Variants in SYMPK observed in about 807,000 individuals in gnomAD.
SYMPK encodes the protein symplekin scaffold protein, also known as symplekin.
A neutral mutation model predicts 136.4 loss-of-function variants in SYMPK; 49 were observed. That is an observed-to-expected ratio of 0.36 (90% confidence interval 0.29 to 0.46). The LOEUF is 0.46. Ranked by LOEUF, SYMPK falls within the 20% of genes least tolerant of loss-of-function variation. The probability of loss-of-function intolerance (pLI) is 1.00; values close to 1 mark genes in which losing one functional copy is unlikely to be tolerated. For synonymous variants in SYMPK, 766 were observed against 713.0 expected, an observed-to-expected ratio of 1.07 and a Z score of -1.19; for missense variants, 1,365 against 1,690.0, an observed-to-expected ratio of 0.81 and a Z score of 3.37.
At position 45,818,112 on chromosome 19, in the gene SYMPK, G is replaced by A. The variant is rs778036985; in HGVS notation, c.2928C>T (p.Tyr976=). The part of the protein sequence containing the change: ...TNLCFAERNV[Y]TSEVLAVVMQ... ...TCACCACGGCCAGCACCTCTGACGTGTACACGTTCCGCTCCGCAAAGCACA... is the reference window on the plus strand; with the variant it reads ...TCACCACGGCCAGCACCTCTGACGTATACACGTTCCGCTCCGCAAAGCACA... The change falls in exon 23 of 27, where the codon TAC becomes TAT. Residue 976 remains tyrosine (Y), a synonymous_variant. Coordinates refer to ENST00000245934, the MANE Select transcript of SYMPK (RefSeq NM_004819.3). 7 of 1,554,962 alleles carry A rather than the reference G, an allele frequency of 4.5e-6. No individual in the cohort carries two copies. The South Asian group carries it at 4.7e-5, about 11-fold the overall frequency.
At chr19:45,824,019 G>A in intron 18 of SYMPK, 144 bp from the exon 19 acceptor site, 1 of 489,462 alleles carries the variant, frequency 2.0e-6, no homozygotes, top group Non-Finnish European at 3.8e-6. Flanking sequence ...GGAAAGGTGG[G>A]GAAGGGCAGG....
At chr19:45,816,318 A>C in intron 25 of SYMPK, 135 bp from the exon 26 acceptor site, 2 of 1,174,480 alleles carry the variant, frequency 1.7e-6, no homozygotes, top group South Asian at 3.2e-5. Context: ...GTTGTCCCCC[A>C]GACCCCCAAC....
Position 45,821,632 on chromosome 19 carries a change from C to A in SYMPK, c.2792-147G>T. 1 of 646,458 alleles carries A rather than the reference C, an allele frequency of 1.5e-6. No individual in the cohort carries two copies. The highest frequency in any genetic ancestry group is 1.8e-5 in the South Asian group (1 of 56,810). The allele number at this position is 646,458 out of a possible 1,614,324, so 40.0% of individuals were successfully genotyped here. On this transcript the variant is annotated intron_variant, in intron 21 of 26. Transcript: ENST00000245934. The surrounding 1 kb of genome is among the most constrained non-coding windows in gnomAD (Gnocchi z 4.4). Reference sequence around the variant, plus strand: ...CTGGAACAGGGGAAGCGACTGACAACATAAAAAGGGGACACCGAAGGCAGC... The same window carrying A: ...CTGGAACAGGGGAAGCGACTGACAAAATAAAAAGGGGACACCGAAGGCAGC...
chr19:45,835,729 T>C (rs1369098593), intron 10 of SYMPK, among the ~76,000 whole-genome samples: 1 of 152,016 alleles, frequency 6.6e-6, no homozygotes, highest in Admixed American at 6.6e-5. Flanking sequence ...CTGGCCAACA[T>C]GGTGAAACCC....
chr19:45,828,012 C>T, intron 14 of SYMPK, 94 bp from the exon 15 acceptor site: 4 of 1,148,690 alleles, frequency 3.5e-6, no homozygotes, highest in Non-Finnish European at 5.2e-6. Context: ...GCCAGCAGGC[C>T]CTCCCTCAGG....
In SYMPK at chr19:45,842,297, T is replaced by C. The variant is rs550681019; in HGVS notation, c.1040A>G (p.Lys347Arg). 93 of 1,614,212 alleles carry C rather than the reference T, an allele frequency of 5.8e-5. No individual in the cohort carries two copies. In the South Asian group the frequency reaches 7.5e-4, roughly 13 times the overall value. Residue 347 changes from lysine to arginine, a missense_variant, in exon 9 of 27, where the codon AAG becomes AGG. Coordinates refer to ENST00000245934, the MANE Select transcript of SYMPK (RefSeq NM_004819.3). ...GGAGTCCGAGTCATCGCGGGGCCGC[T>C]TGCGGGTGTCCTTGCTGCTCGGCAT... ...RNMPSSKDTR[K>R]RPRDDSDSTL...
chr19:45,829,383 G>A (rs983595297), intron 13 of SYMPK, among the ~76,000 whole-genome samples, 178 bp from the exon 14 acceptor site: 1 of 152,072 alleles, frequency 6.6e-6, no homozygotes. Context: ...GTGTTGGGGG[G>A]TGGGGGTACC....
rs1203241892 is a variant in SYMPK at position 45,842,353 on chromosome 19, C to G, written c.984G>C (p.Leu328=). 6.2e-7 allele frequency: 1 copy of G among 1,614,220 alleles called. No homozygotes were observed. Among genetic ancestry groups the G allele is most frequent in the Non-Finnish European group, 8.5e-7 (1 of 1,180,040 alleles). Residue 328 remains leucine, a synonymous_variant, in exon 9 of 27, where the codon CTG becomes CTC. Coordinates refer to ENST00000245934, the MANE Select transcript of SYMPK (RefSeq NM_004819.3). The stretch of plus-strand genomic sequence containing the variant: ...GGGCGATCTCGGCCTGAGGTGTGCC[C>G]AGGTCCACCAGCAGGGTGGTGATCT... ...QAQITTLLVD[L]GTPQAEIARN... is the part of the protein sequence containing the mutation.
intron 5 of SYMPK, among the ~76,000 whole-genome samples, chr19:45,851,594 C>A (rs956610032): frequency 3.5e-5 from 5 of 143,010 alleles, no homozygotes; most frequent in African/African-American, 1.3e-4. Flanking sequence ...AAAAAAAAGG[C>A]CAGGCACAGT....
At chr19:45,840,000 G>C (rs551612159) in intron 9 of SYMPK, among the ~76,000 whole-genome samples, 1 of 152,104 alleles carries the variant, frequency 6.6e-6, no homozygotes, top group Admixed American at 6.6e-5. Flanking sequence ...TTAACCAAGC[G>C]TTCAAAAGTT....
Position 45,835,098 on chromosome 19 carries a change from G to C in SYMPK, c.1373C>G (p.Thr458Arg). The change falls in exon 11 of 27, where the codon ACA becomes AGA. Residue 458 changes from threonine (T) to arginine (R), a missense_variant. By Grantham distance (71) the Thr-to-Arg change is moderately conservative. Coordinates refer to ENST00000245934, the MANE Select transcript of SYMPK (RefSeq NM_004819.3). ...HLARLMATQMTAAGLGPGVEQ... is the reference protein window; with the variant it reads ...HLARLMATQMRAAGLGPGVEQ... ...CTCACCTGGTCCCAGTCCGGCAGCT[G>C]TCATCTGTGTGGCCATGAGCCGAGC... 6.2e-7 allele frequency: 1 copy of C among 1,608,578 alleles called. No homozygotes were observed. Among genetic ancestry groups the C allele is most frequent in the South Asian group, 1.1e-5 (1 of 90,416 alleles).
chr19:45,816,438 G>T, intron 25 of SYMPK, 44 bp downstream of exon 25: 1 of 1,583,218 alleles, frequency 6.3e-7, no homozygotes, highest in Non-Finnish European at 8.5e-7. Flanking sequence ...GGGGTAGGGG[G>T]TGGGAGTCTG....
chr19:45,832,408 C>T (rs1266555290), intron 11 of SYMPK, among the ~76,000 whole-genome samples: 1 of 152,130 alleles, frequency 6.6e-6, no homozygotes, highest in Non-Finnish European at 1.5e-5. Context: ...TCCCAAAGTG[C>T]TGGGACTACA....
intron 14 of SYMPK, chr19:45,828,401 T>C (rs1244056682): frequency 1.1e-5 from 2 of 182,974 alleles, no homozygotes; most frequent in Non-Finnish European, 2.3e-5. Context: ...ATGTGGCTAA[T>C]GTTCGGGGGG....
Position 45,829,194 on chromosome 19 carries a change from C to G in SYMPK, c.1761G>C (p.Lys587Asn), listed in dbSNP as rs1971114458. Residue 587 changes from lysine to asparagine, a missense_variant, in exon 14 of 27, where the codon AAG becomes AAC. By Grantham distance (94) the Lys-to-Asn change is moderately conservative (BLOSUM62 0). Coordinates refer to ENST00000245934, the MANE Select transcript of SYMPK (RefSeq NM_004819.3). The stretch of plus-strand genomic sequence containing the variant: ...ACTGTGTCACCAGGCTGGCCAGGAT[C>G]TTTATGCGGACCTGGTGGGAGGGTG... ...ACSGAAQVRI[K>N]ILASLVTQFN... The G allele has an allele frequency of 1.2e-6, 2 of 1,613,298 alleles. No individual in the cohort carries two copies. Among genetic ancestry groups the G allele is most frequent in the African/African-American group, 2.7e-5 (2 of 74,902 alleles).
At position 45,821,376 on chromosome 19, in the gene SYMPK, C is replaced by T. The variant is rs550218101; in HGVS notation, c.2893+8G>A. The stretch of plus-strand genomic sequence containing the variant: ...CCAGGCCACTGGAGTGGGGGGGAAG[C>T]GCCTCACCTTTGATGATGGATTTCA... On this transcript the variant is annotated splice_region_variant and intron_variant, in intron 22 of 26. Transcript: ENST00000245934. The surrounding 1 kb of genome is among the most constrained non-coding windows in gnomAD (Gnocchi z 4.4). 9.3e-6 allele frequency: 15 copies of T among 1,610,776 alleles called. No homozygotes were observed. The highest frequency in any genetic ancestry group is 1.2e-5 in the Non-Finnish European group (14 of 1,177,216).
intron 11 of SYMPK, among the ~76,000 whole-genome samples, chr19:45,834,571 T>A (rs1971260237): frequency 6.6e-6 from 1 of 152,186 alleles, no homozygotes; most frequent in Non-Finnish European, 1.5e-5. Context: ...ATCCCATCCC[T>A]AAGATACCTC....
At chr19:45,827,153 C>G (rs1971059798) in intron 16 of SYMPK, among the ~76,000 whole-genome samples, 1 of 152,152 alleles carries the variant, frequency 6.6e-6, no homozygotes, top group Non-Finnish European at 1.5e-5. Flanking sequence ...CCCTGCTGGG[C>G]TGGGCAATGC....
In SYMPK at chr19:45,821,090, C is replaced by T. The variant is rs1305118335; in HGVS notation, c.2893+294G>A. Reference sequence around the variant, plus strand: ...TTCCTCGGGGCTAGGGGTGGGGCTACCCAACTGCTTTAGGCCCACTCTGTG... The same window carrying T: ...TTCCTCGGGGCTAGGGGTGGGGCTATCCAACTGCTTTAGGCCCACTCTGTG... On this transcript the variant is annotated intron_variant, in intron 22 of 26. Coordinates refer to ENST00000245934, the MANE Select transcript of SYMPK (RefSeq NM_004819.3). This position sits in a 1 kb window ranked among gnomAD's most constrained non-coding sequence, Gnocchi z 4.4. The T allele has an allele frequency of 1.5e-6, 1 of 651,098 alleles. No homozygotes were observed. Among genetic ancestry groups the T allele is most frequent in the South Asian group, 1.7e-5 (1 of 57,584 alleles). 40.3% of individuals were successfully genotyped at this position (651,098 alleles called of 1,614,324 possible).
Sources: gnomAD v4.1 joint callset for allele counts (sites outside exome capture counted in the v4.1 genomes callset) on GRCh38, gnomAD v4.1.1 for gene constraint, Gnocchi (gnomAD v3.1) non-coding constraint, MANE v1.5 for transcripts, NCBI Gene and HGNC (gene_info 2026-07-23, HGNC 2026-07-21) for gene names.